TRDMT1: variants seen among roughly 807,000 people sequenced by gnomAD.
The protein encoded by TRDMT1 is tRNA aspartic acid methyltransferase 1, also known as tRNA (cytosine(38)-C(5))-methyltransferase.
A neutral mutation model predicts 51.2 loss-of-function variants in TRDMT1; 49 were observed. The ratio of observed to expected loss-of-function variants is 0.96; its 90% CI spans 0.76 to 1.21. TRDMT1 has a LOEUF of 1.21. Among genes scored for constraint, TRDMT1 ranks in the 50% most tolerant of loss-of-function variants. The pLI is 0.00. For missense variants in TRDMT1, 534 were observed against 462.3 expected (o/e 1.16, Z -1.42); for synonymous variants, 187 against 164.6 (o/e 1.14, Z -1.04).
chr10:17,169,719 A>G (rs1450923071), intron 2 of TRDMT1, among the ~76,000 whole-genome samples: 1 of 152,168 alleles, frequency 6.6e-6, no homozygotes, highest in East Asian at 1.9e-4. Flanking sequence ...GAAAAGCTTT[A>G]CTCTGAATTC....
intron 1 of TRDMT1, among the ~76,000 whole-genome samples, chr10:17,176,760 T>A (rs1460842005): frequency 6.6e-6 from 1 of 152,202 alleles, no homozygotes; most frequent in Non-Finnish European, 1.5e-5. Flanking sequence ...AACCTGTCAA[T>A]TCTGTCAAAA....
chr10:17,182,689 A>G (rs961816912), intron 1 of TRDMT1, among the ~76,000 whole-genome samples: 1 of 152,194 alleles, frequency 6.6e-6, no homozygotes, highest in African/African-American at 2.4e-5. Flanking sequence ...ACTAAATACA[A>G]CAAATACAGA....
At chr10:17,152,172 C>T in intron 10 of TRDMT1, 1 of 1,041,024 alleles carries the variant, frequency 9.6e-7, no homozygotes, top group Non-Finnish European at 1.3e-6. Context: ...TAATTCTCAG[C>T]TCTTCTATTT....
At chr10:17,186,220 T>C (rs1425521488) in intron 1 of TRDMT1, among the ~76,000 whole-genome samples, 1 of 152,158 alleles carries the variant, frequency 6.6e-6, no homozygotes, top group Admixed American at 6.6e-5. Context: ...TAAGGTGTGA[T>C]AGGCAAAATA....
At chr10:17,168,562 G>A (rs949286449) in intron 3 of TRDMT1, among the ~76,000 whole-genome samples, 5 of 152,022 alleles carry the variant, frequency 3.3e-5, no homozygotes, top group Admixed American at 6.6e-5. Context: ...GGAATCATGG[G>A]GGCAGGTCTC....
intron 1 of TRDMT1, among the ~76,000 whole-genome samples, chr10:17,178,953 T>C (rs888151674): frequency 1.3e-5 from 2 of 152,102 alleles, no homozygotes; most frequent in East Asian, 1.9e-4. Flanking sequence ...CTTGACACTA[T>C]ATCTTAGGAG....
In TRDMT1 at chr10:17,139,022, G is replaced by T. The variant is rs1038099742; in HGVS notation, c.*10018C>A. On this transcript the variant is annotated 3_prime_UTR_variant, in exon 11 of 11. Transcript: ENST00000377799. ...ATAGCAGAGGAGATACTAATTGCTA[G>T]GATTAAAGGCTCCAAAAGCTAGTAA... Among the ~76,000 whole-genome samples, 2 of 152,110 alleles carry T rather than the reference G, an allele frequency of 1.3e-5. No individual in the cohort carries two copies. Among genetic ancestry groups the T allele is most frequent in the African/African-American group, 2.4e-5 (1 of 41,424 alleles).
chr10:17,201,411 G>A (rs1846145109), intron 1 of TRDMT1, 160 bp downstream of exon 1: 4 of 649,478 alleles, frequency 6.2e-6, no homozygotes. Flanking sequence ...TGGACACGGC[G>A]GCGCGCAGGA....
rs1343849285 is a variant in TRDMT1, at chr10:17,144,077, A to C, written c.*4963T>G. 4.1e-6 allele frequency: 4 copies of C among 985,296 alleles called. No individual in the cohort carries two copies. The allele number at this position is 985,296 out of a possible 1,614,324, so 61.0% of individuals were successfully genotyped here. On this transcript the variant is annotated 3_prime_UTR_variant, in exon 11 of 11. Transcript: ENST00000377799. ...GTAGGAAAGGGTGAGAATCTCTAAG[A>C]AAAATGGCATGAAAAGTGAAGGGTA...
chr10:17,194,760 CT>C (rs1484803870), intron 1 of TRDMT1, among the ~76,000 whole-genome samples: 1 of 151,952 alleles, frequency 6.6e-6, no homozygotes, highest in African/African-American at 2.4e-5. Flanking sequence ...TGGTGAAACC[CT>C]GTCTCTACTA....
intron 3 of TRDMT1, among the ~76,000 whole-genome samples, chr10:17,167,239 T>G (rs1029523229): frequency 6.6e-6 from 1 of 152,134 alleles, no homozygotes; most frequent in African/African-American, 2.4e-5. Context: ...TTTAAATAAA[T>G]CCAAATGTAG....
In TRDMT1 at chr10:17,144,399, G is replaced by C. The variant is rs987550490; in HGVS notation, c.*4641C>G. 11 of 985,468 alleles carry C rather than the reference G, an allele frequency of 1.1e-5. No individual in the cohort carries two copies. The highest frequency in any genetic ancestry group is 1.2e-4 in the Admixed American group (2 of 16,270). 61.0% of individuals were successfully genotyped at this position (985,468 alleles called of 1,614,324 possible). On this transcript the variant is annotated 3_prime_UTR_variant, in exon 11 of 11. Transcript: ENST00000377799. ...AAACCCTAGGCTTATTCAGAAAAGA[G>C]TTCTATGGGAGAACTCAGTTCCTAT...
In TRDMT1 at chr10:17,141,230, T is replaced by C. The variant is rs564683910; in HGVS notation, c.*7810A>G. Among the ~76,000 whole-genome samples, 2 of 152,310 alleles carry C rather than the reference T, an allele frequency of 1.3e-5. No homozygotes were observed. Among genetic ancestry groups the C allele is most frequent in the East Asian group, 3.9e-4 (2 of 5,184 alleles). On this transcript the variant is annotated 3_prime_UTR_variant, in exon 11 of 11. Transcript: ENST00000377799. Reference sequence around the variant, plus strand: ...CAGGCTGGAGTGCAGTGGCACGATCTCAGCTCACTGCAGTCTCCGCTCCTG... The same window carrying C: ...CAGGCTGGAGTGCAGTGGCACGATCCCAGCTCACTGCAGTCTCCGCTCCTG...
intron 1 of TRDMT1, among the ~76,000 whole-genome samples, chr10:17,198,763 G>A (rs1243852177): frequency 1.3e-5 from 2 of 152,162 alleles, no homozygotes; most frequent in African/African-American, 4.8e-5. Flanking sequence ...TAATGCCATT[G>A]AACTATACAT....
rs45525834 is a variant in TRDMT1 at position 17,146,914 on chromosome 10, G to A, written c.*2126C>T. Reference sequence around the variant, plus strand: ...AGATGTGAGTTTTATGCTTGTTACTGCATATTTTCAATTATGAATTAAGGG... The same window carrying A: ...AGATGTGAGTTTTATGCTTGTTACTACATATTTTCAATTATGAATTAAGGG... On this transcript the variant is annotated 3_prime_UTR_variant, in exon 11 of 11. Transcript: ENST00000377799. 4.4e-3 allele frequency: 4,334 copies of A among 985,276 alleles called. 8 individuals are homozygous for A. The highest frequency in any genetic ancestry group is 0.012 in the Middle Eastern group (22 of 1,912). The allele number at this position is 985,276 out of a possible 1,614,324, so 61.0% of individuals were successfully genotyped here. A position where few individuals can be genotyped will look rare whatever the true frequency, so the allele number is the denominator to read the frequency against.
intron 1 of TRDMT1, among the ~76,000 whole-genome samples, chr10:17,197,112 T>A (rs1213020303): frequency 6.6e-6 from 1 of 152,112 alleles, no homozygotes; most frequent in South Asian, 2.1e-4. Context: ...AGTTTCCAAA[T>A]GTTTTTAATT....
Position 17,139,368 on chromosome 10 carries a change from G to A in TRDMT1, c.*9672C>T, listed in dbSNP as rs1475208710. On this transcript the variant is annotated 3_prime_UTR_variant, in exon 11 of 11. Transcript: ENST00000377799. ...GAAGAAATGTAGGTGGTAAATAACT[G>A]CAAACAACTTATATTGGATCTGATC... Among the ~76,000 whole-genome samples the A allele has an allele frequency of 6.6e-6, 1 of 152,128 alleles. No homozygotes were observed. Among genetic ancestry groups the A allele is most frequent in the African/African-American group, 2.4e-5 (1 of 41,406 alleles).
intron 3 of TRDMT1, among the ~76,000 whole-genome samples, chr10:17,165,456 T>C (rs1841055398): frequency 1.3e-5 from 2 of 152,222 alleles, no homozygotes; most frequent in South Asian, 4.1e-4. Context: ...GACATAGGCA[T>C]GGGCAAGGAC....
At chr10:17,179,974 C>T (rs2131550230) in intron 1 of TRDMT1, among the ~76,000 whole-genome samples, 1 of 152,244 alleles carries the variant, frequency 6.6e-6, no homozygotes, top group Admixed American at 6.5e-5. Flanking sequence ...GATAGTCCCA[C>T]TAAGCAATCC....
Sources: gnomAD v4.1 joint callset for allele counts (sites outside exome capture counted in the v4.1 genomes callset) on GRCh38, gnomAD v4.1.1 for gene constraint, MANE v1.5 for transcripts, NCBI Gene and HGNC (gene_info 2026-07-23, HGNC 2026-07-21) for gene names.